The following KIFAP3 variants were observed in gnomAD, a reference collection of about 807,000 sequenced individuals.
KIFAP3 encodes kinesin associated protein 3, also known as kinesin-associated protein 3.
KIFAP3 carries 68 observed loss-of-function variants against 106.5 expected under a neutral mutation model. The ratio of observed to expected loss-of-function variants is 0.64; its 90% confidence interval spans 0.53 to 0.78. The LOEUF is 0.78. Among genes scored for constraint, KIFAP3 ranks in the 30% least tolerant of loss-of-function variants. The probability of loss-of-function intolerance (pLI) is 0.00; values close to 1 mark genes in which losing one functional copy is unlikely to be tolerated. For synonymous variants in KIFAP3, 320 were observed against 311.5 expected (o/e 1.03, Z -0.29); for missense variants, 780 against 941.8 (o/e 0.83, Z 2.25).
At chr1:170,035,740 G>A (rs946820133) in intron 5 of KIFAP3, among the ~76,000 whole-genome samples, 187 bp from the exon 6 acceptor site, 3 of 151,912 alleles carry the variant, frequency 2.0e-5, no homozygotes, top group Non-Finnish European at 2.9e-5. Flanking sequence ...TTAAAGATAC[G>A]TAACATGCTG....
chr1:170,036,656 T>C (rs974450109), intron 5 of KIFAP3, among the ~76,000 whole-genome samples: 2 of 152,128 alleles, frequency 1.3e-5, no homozygotes, highest in Non-Finnish European at 2.9e-5. Flanking sequence ...CCAAAGGTAT[T>C]TGACCATTAT....
intron 10 of KIFAP3, among the ~76,000 whole-genome samples, chr1:170,010,330 ATTAT>A (rs1668181204): frequency 6.6e-6 from 1 of 151,996 alleles, no homozygotes; most frequent in African/African-American, 2.4e-5. Flanking sequence ...ATTTAAAATA[ATTAT>A]TTATAATATT....
In KIFAP3 at chr1:169,961,032, G is replaced by A. The variant is rs1163943861; in HGVS notation, c.2173+14C>T. On this transcript the variant is annotated intron_variant, in intron 18 of 19. Coordinates refer to ENST00000361580, the MANE Select transcript of KIFAP3 (RefSeq NM_014970.4). ...AGCATATAATAAACTGTTTACTTTC[G>A]CTTTGGTTATCACCTGAGTTGTAGA... The A allele has an allele frequency of 4.4e-6, 7 of 1,602,630 alleles. No individual in the cohort carries two copies. The highest frequency in any genetic ancestry group is 2.2e-5 in the South Asian group (2 of 89,652).
At chr1:170,027,066 G>A (rs1448256996) in intron 8 of KIFAP3, among the ~76,000 whole-genome samples, 1 of 138,258 alleles carries the variant, frequency 7.2e-6, no homozygotes, top group Non-Finnish European at 1.5e-5. Flanking sequence ...TGTTGCCCAG[G>A]CTGGAATGCA....
chr1:170,065,743 C>T (rs999979755), intron 1 of KIFAP3, among the ~76,000 whole-genome samples: 3 of 148,992 alleles, frequency 2.0e-5, no homozygotes, highest in Non-Finnish European at 3.0e-5. Context: ...AATTTAAATA[C>T]ATTACATTTT....
chr1:170,011,206 A>G (rs1034768089), intron 10 of KIFAP3, among the ~76,000 whole-genome samples: 1 of 152,016 alleles, frequency 6.6e-6, no homozygotes, highest in African/African-American at 2.4e-5. Context: ...AATAATTTAG[A>G]TTGTCTACTA....
At position 169,978,065 on chromosome 1, in the gene KIFAP3, G is replaced by A. The variant is rs751234941; in HGVS notation, c.1897+20C>T. The A allele has an allele frequency of 1.6e-5, 23 of 1,461,040 alleles. No individual in the cohort carries two copies. Among genetic ancestry groups the A allele is most frequent in the African/African-American group, 1.4e-4 (10 of 71,184 alleles). The allele number at this position is 1,461,040 out of a possible 1,614,324, so 90.5% of individuals were successfully genotyped here. A position where few individuals can be genotyped will look rare whatever the true frequency, so the allele number is the denominator to read the frequency against. ...GAATATGTGAAATATTGTTATCTACGGTAAACACTGAAAGGATACGTGTTT... is the reference window on the plus strand; with the variant it reads ...GAATATGTGAAATATTGTTATCTACAGTAAACACTGAAAGGATACGTGTTT... On this transcript the variant is annotated intron_variant, in intron 16 of 19. Transcript: ENST00000361580.
intron 19 of KIFAP3, among the ~76,000 whole-genome samples, chr1:169,925,979 A>C (rs930130781): frequency 6.6e-6 from 1 of 152,210 alleles, no homozygotes; most frequent in Admixed American, 6.5e-5. Flanking sequence ...TTATTAATAA[A>C]TGGCTACAAA....
At chr1:170,032,475 A>G (rs2102045542) in intron 7 of KIFAP3, among the ~76,000 whole-genome samples, 1 of 151,878 alleles carries the variant, frequency 6.6e-6, no homozygotes, top group African/African-American at 2.4e-5. Context: ...TTCAGACTAG[A>G]GATGCCAAGA....
At chr1:169,980,937 AC>A (rs1666486552) in intron 15 of KIFAP3, among the ~76,000 whole-genome samples, 1 of 152,172 alleles carries the variant, frequency 6.6e-6, no homozygotes, top group Admixed American at 6.5e-5. Flanking sequence ...CCCCATTTCT[AC>A]TAAAAATACA....
chr1:170,068,775 G>C (rs374829807), intron 1 of KIFAP3: 1 of 151,484 alleles, frequency 6.6e-6, no homozygotes, highest in Non-Finnish European at 1.5e-5. Flanking sequence ...CTATACTGAC[G>C]CTCTATTTAA....
chr1:169,947,212 T>C (rs902675395), intron 19 of KIFAP3, among the ~76,000 whole-genome samples: 8 of 151,934 alleles, frequency 5.3e-5, no homozygotes, highest in Non-Finnish European at 7.4e-5. Context: ...AAATAGATGT[T>C]TACATATATT....
upstream of KIFAP3, among the ~76,000 whole-genome samples, chr1:170,079,427 T>C (rs1033811926): frequency 2.6e-5 from 4 of 152,074 alleles, no homozygotes; most frequent in African/African-American, 9.7e-5. Flanking sequence ...GCAACACATA[T>C]GAACAAAGAC....
rs76678635 is a variant in KIFAP3, at chr1:170,037,001, C to G, written c.517+1289G>C. 8.4e-3 allele frequency among the ~76,000 whole-genome samples: 1,276 copies of G among 152,170 alleles called. 22 individuals carry two copies. Among genetic ancestry groups the G allele is most frequent in the African/African-American group, 0.028 (1,159 of 41,524 alleles). The stretch of plus-strand genomic sequence containing the variant: ...AAATATATAAGACAAATGTGCAAGA[C>G]CAGTAAAGCCAATTTTGGGGCAAAA... On this transcript the variant is annotated intron_variant, in intron 5 of 19. Coordinates refer to ENST00000361580, the MANE Select transcript of KIFAP3 (RefSeq NM_014970.4).
intron 1 of KIFAP3, among the ~76,000 whole-genome samples, chr1:170,058,955 T>C (rs1670991864): frequency 6.6e-6 from 1 of 151,056 alleles, no homozygotes; most frequent in Admixed American, 6.6e-5. Context: ...GAAATAAAGA[T>C]GTTCTTTAAA....
intron 1 of KIFAP3, among the ~76,000 whole-genome samples, chr1:170,062,029 G>A (rs1016139591): frequency 5.3e-5 from 8 of 152,070 alleles, no homozygotes; most frequent in Admixed American, 2.6e-4. Context: ...GGGGAGAGGG[G>A]GGAGGGATAG....
chr1:170,023,561 ACAAATATGTG>A (rs1668961872), intron 9 of KIFAP3, among the ~76,000 whole-genome samples: 2 of 151,972 alleles, frequency 1.3e-5, no homozygotes, highest in Admixed American at 1.3e-4. Context: ...ATATGTATGT[ACAAATATGTG>A]CAGTGAAGAA....
chr1:169,977,132 A>G lies in KIFAP3; in HGVS notation c.1897+953T>C, dbSNP rs139709178. Among the ~76,000 whole-genome samples the G allele has an allele frequency of 3.3e-3, 498 of 152,316 alleles. 7 individuals are homozygous for G. The highest frequency in any genetic ancestry group is 0.012 in the African/African-American group (489 of 41,578). Reference sequence around the variant, plus strand: ...AAGGACTTTCTTATATATCTAACACATAAGCCAGTATCTGTTTAGATGGTC... The same window carrying G: ...AAGGACTTTCTTATATATCTAACACGTAAGCCAGTATCTGTTTAGATGGTC... On this transcript the variant is annotated intron_variant, in intron 16 of 19. Coordinates refer to ENST00000361580, the MANE Select transcript of KIFAP3 (RefSeq NM_014970.4).
chr1:170,004,482 C>A (rs1329811023), intron 10 of KIFAP3, among the ~76,000 whole-genome samples: 1 of 151,334 alleles, frequency 6.6e-6, no homozygotes. Flanking sequence ...GTAACGAAAA[C>A]AGCATGGTAC....
Sources: gnomAD v4.1 joint callset for allele counts (sites outside exome capture counted in the v4.1 genomes callset) on GRCh38, gnomAD v4.1.1 for gene constraint, MANE v1.5 for transcripts, NCBI Gene and HGNC (gene_info 2026-07-23, HGNC 2026-07-21) for gene names.